The following MAPT variants were observed in gnomAD, a reference collection of about 807,000 sequenced individuals.
The protein encoded by MAPT is microtubule-associated protein tau.
In MAPT, 34 loss-of-function variants were observed where a neutral mutation model predicts 67.9. The ratio of observed to expected loss-of-function variants is 0.50; its 90% CI spans 0.38 to 0.67. The LOEUF is 0.67. Among genes scored for constraint, MAPT ranks in the 30% least tolerant of loss-of-function variants. The probability of loss-of-function intolerance (pLI) is 0.00; values close to 1 mark genes in which losing one functional copy is unlikely to be tolerated. For missense variants in MAPT, 881 were observed against 1,115.2 expected, an observed-to-expected ratio of 0.79 and a Z score of 2.99; for synonymous variants, 456 against 464.5, an observed-to-expected ratio of 0.98 and a Z score of 0.23.
At chr17:46,003,449 T>G (rs1320184558) in intron 9 of MAPT, among the ~76,000 whole-genome samples, 1 of 151,986 alleles carries the variant, frequency 6.6e-6, no homozygotes, top group Non-Finnish European at 1.5e-5. Flanking sequence ...TAGCAAATTT[T>G]TATATTTTTA....
intron 6 of MAPT, 65 bp downstream of exon 6, chr17:45,987,160 C>G: frequency 7.1e-7 from 1 of 1,405,536 alleles, no homozygotes; most frequent in Non-Finnish European, 1.0e-6. Flanking sequence ...TGCTTTATGT[C>G]TGATTCATTC....
In MAPT at chr17:45,915,448, G is replaced by GA. The variant is rs1431821950; in HGVS notation, c.-18+20762_-18+20763insA. Among the ~76,000 whole-genome samples, 9 of 124,592 alleles carry GA rather than the reference G, an allele frequency of 7.2e-5. No homozygotes were observed. The highest frequency in any genetic ancestry group is 1.2e-4 in the Non-Finnish European group (6 of 49,856). The allele number at this position is 124,592 out of a possible 152,430, so 81.7% of individuals were successfully genotyped here. On this transcript the variant is annotated intron_variant, in intron 1 of 12. Coordinates refer to ENST00000262410, the MANE Select transcript of MAPT (RefSeq NM_001377265.1). This position sits in a 1 kb window ranked among gnomAD's most constrained non-coding sequence, Gnocchi z 4.4. ...ATGTGTGTGTGGTGTGTAAGCATGT[G>GA]TGAGTGTGTATGTTTGAGCATGTGT...
intron 1 of MAPT, among the ~76,000 whole-genome samples, chr17:45,952,433 A>C (rs1308063164): frequency 1.3e-5 from 2 of 152,184 alleles, no homozygotes; most frequent in African/African-American, 4.8e-5. Flanking sequence ...TAGAAGACAC[A>C]GGCTAAAGTA....
intron 1 of MAPT, among the ~76,000 whole-genome samples, chr17:45,944,325 C>T (rs1429031719): frequency 6.6e-6 from 1 of 152,288 alleles, no homozygotes; most frequent in Non-Finnish European, 1.5e-5. Flanking sequence ...GGAGCTGAGC[C>T]GAGAACAGGT....
intron 1 of MAPT, among the ~76,000 whole-genome samples, chr17:45,944,376 A>T (rs998200870): frequency 6.6e-6 from 1 of 152,142 alleles, no homozygotes; most frequent in African/African-American, 2.4e-5. Context: ...CCACCTCCAA[A>T]CTCAGGGGCC....
chr17:45,962,425 A>G lies in MAPT; in HGVS notation c.88A>G (p.Thr30Ala), dbSNP rs748728879. 57 of 1,612,874 alleles carry G rather than the reference A, an allele frequency of 3.5e-5. 1 individual carries two copies. The African/African-American group carries it at 6.4e-4, about 18-fold the overall frequency. Reference sequence around the variant, plus strand: ...GGACAGGAAAGATCAGGGGGGCTACACCATGCACCAAGACCAAGAGGGTGA... The same window carrying G: ...GGACAGGAAAGATCAGGGGGGCTACGCCATGCACCAAGACCAAGAGGGTGA... ...LGDRKDQGGY[T>A]MHQDQEGDTD... Residue 30 changes from threonine (T) to alanine (A), a missense_variant, in exon 2 of 13, where the codon ACC (threonine) becomes GCC (alanine). By Grantham distance (58) the Thr-to-Ala change is moderately conservative. Transcript: ENST00000262410.
intron 6 of MAPT, among the ~76,000 whole-genome samples, chr17:45,988,806 A>G (rs112385572): frequency 0.15 from 22,037 of 151,912 alleles, 2,143 homozygotes; most frequent in Non-Finnish European, 0.22. Flanking sequence ...GATCACTTGA[A>G]CCCAAAGGGT....
intron 1 of MAPT, among the ~76,000 whole-genome samples, chr17:45,934,891 C>A (rs1008711731): frequency 5.9e-5 from 9 of 152,004 alleles, no homozygotes; most frequent in African/African-American, 2.2e-4. Context: ...GTTTCCCCCC[C>A]GCTTCTTAGA....
chr17:45,987,722 A>T (rs2073697545), intron 6 of MAPT, among the ~76,000 whole-genome samples: 1 of 152,254 alleles, frequency 6.6e-6, no homozygotes, highest in Non-Finnish European at 1.5e-5. Flanking sequence ...GTTGCCACAT[A>T]GCTCTGAGCA....
chr17:46,024,248 GC>G lies in MAPT; in HGVS notation c.*82del, dbSNP rs2076709846. ...TGGAAAAAAAAAGAATAATGACCCG[GC>G]CCCCGCCCTCTGCCCCCAGCTGCTC... On this transcript the variant is annotated 3_prime_UTR_variant, in exon 13 of 13. Transcript: ENST00000262410. 2 of 1,316,498 alleles carry G rather than the reference GC, an allele frequency of 1.5e-6. No individual in the cohort carries two copies. The highest frequency in any genetic ancestry group is 2.2e-6 in the Non-Finnish European group (2 of 929,388). The allele number at this position is 1,316,498 out of a possible 1,614,324, so 81.6% of individuals were successfully genotyped here.
chr17:45,938,158 G>A (rs1226295795), intron 1 of MAPT, among the ~76,000 whole-genome samples: 1 of 152,214 alleles, frequency 6.6e-6, no homozygotes, highest in East Asian at 1.9e-4. Flanking sequence ...CAACACAAAT[G>A]TATTACCTTA....
intron 9 of MAPT, chr17:45,999,345 G>C: frequency 1.2e-6 from 2 of 1,613,954 alleles, no homozygotes; most frequent in Middle Eastern, 1.7e-4. Flanking sequence ...GCAGGTGGCC[G>C]GCCCTCATTG....
chr17:45,969,275 G>A (rs1468717364), intron 2 of MAPT: 1 of 152,250 alleles, frequency 6.6e-6, no homozygotes, highest in South Asian at 2.1e-4. Flanking sequence ...AGGCACAGGA[G>A]GAGCTGAGGG....
At chr17:46,022,822 C>T (rs2076612285) in intron 12 of MAPT, among the ~76,000 whole-genome samples, 1 of 152,104 alleles carries the variant, frequency 6.6e-6, no homozygotes, top group Non-Finnish European at 1.5e-5. Context: ...CCCAGTTGCT[C>T]TGGAGGTTAA....
chr17:46,018,374 A>G (rs2076321724), intron 11 of MAPT, among the ~76,000 whole-genome samples: 1 of 152,164 alleles, frequency 6.6e-6, no homozygotes, highest in African/African-American at 2.4e-5. Context: ...AGTCTTACCT[A>G]CTTCTAAAGG....
chr17:45,923,980 A>G (rs1378062680), intron 1 of MAPT, among the ~76,000 whole-genome samples: 1 of 152,252 alleles, frequency 6.6e-6, no homozygotes, highest in Non-Finnish European at 1.5e-5. Context: ...CTTAGAGTGG[A>G]GCTTTGCAAG....
chr17:46,024,349 G>C lies in MAPT; in HGVS notation c.*178G>C. 1 of 645,398 alleles carries C rather than the reference G, an allele frequency of 1.5e-6. No individual in the cohort carries two copies. The allele number at this position is 645,398 out of a possible 1,614,324, so 40.0% of individuals were successfully genotyped here. On this transcript the variant is annotated 3_prime_UTR_variant, in exon 13 of 13. Transcript: ENST00000262410. The stretch of plus-strand genomic sequence containing the variant: ...GCTTTGGCTCGGGACTTCAAAATCA[G>C]TGATGGGAGTAAGAGCAAATTTCAT...
intron 1 of MAPT, among the ~76,000 whole-genome samples, chr17:45,946,890 C>T (rs947964582): frequency 1.3e-5 from 2 of 152,048 alleles, no homozygotes; most frequent in Non-Finnish European, 2.9e-5. Flanking sequence ...AGCAACCATC[C>T]GTGTGCACAC....
chr17:45,938,795 C>G (rs1375783499), intron 1 of MAPT, among the ~76,000 whole-genome samples: 1 of 151,366 alleles, frequency 6.6e-6, no homozygotes, highest in Non-Finnish European at 1.5e-5. Flanking sequence ...AGGGGTGAGC[C>G]CCCATGCCCA....
Sources: allele counts gnomAD v4.1 joint callset (sites outside exome capture counted in the v4.1 genomes callset), GRCh38; gene constraint gnomAD v4.1.1; non-coding constraint Gnocchi (gnomAD v3.1); transcripts MANE v1.5; gene names NCBI Gene and HGNC (gene_info 2026-07-23, HGNC 2026-07-21).